SGCD: variants seen among roughly 807,000 people sequenced by gnomAD.
The protein encoded by SGCD is delta-sarcoglycan.
In SGCD, 18 loss-of-function variants were observed where a neutral mutation model predicts 36.6. The ratio of observed to expected loss-of-function variants is 0.49; its 90% CI spans 0.34 to 0.73. SGCD has a LOEUF of 0.73. SGCD is among the 30% of genes least tolerant of loss of function. The pLI, the probability that SGCD is intolerant of heterozygous loss-of-function variation, is 0.01. For synonymous variants in SGCD, 133 were observed against 130.6 expected (o/e 1.02, Z -0.12); for missense variants, 387 against 346.7 (o/e 1.12, Z -0.92).
chr5:156,677,770 A>G (rs1032930420), intron 7 of SGCD, among the ~76,000 whole-genome samples: 2 of 152,154 alleles, frequency 1.3e-5, no homozygotes, highest in African/African-American at 4.8e-5. Context: ...CCCTACCACT[A>G]TGCAAAAGGA....
chr5:155,751,957 T>A, the SGCD span, among the ~76,000 whole-genome samples: 1 of 152,198 alleles, frequency 6.6e-6, no homozygotes, highest in Non-Finnish European at 1.5e-5. Flanking sequence ...TCTCTGAGAC[T>A]GTTTGTGTAT....
At chr5:156,217,201 T>C (rs1764599228) in intron 3 of SGCD, among the ~76,000 whole-genome samples, 1 of 152,252 alleles carries the variant, frequency 6.6e-6, no homozygotes, top group East Asian at 1.9e-4. Context: ...TCTTTAAACA[T>C]TGACCTCACT....
chr5:156,626,339 G>A (rs1046329132), intron 6 of SGCD, among the ~76,000 whole-genome samples: 17 of 152,216 alleles, frequency 1.1e-4, no homozygotes, highest in African/African-American at 3.6e-4. Flanking sequence ...AGTGCCCGGT[G>A]TCAGGCCATG....
At chr5:156,304,783 A>G (rs190206212) in intron 3 of SGCD, among the ~76,000 whole-genome samples, 3 of 152,204 alleles carry the variant, frequency 2.0e-5, no homozygotes, top group Non-Finnish European at 4.4e-5. Flanking sequence ...TGACAGTGAT[A>G]TGAACAATAA....
At chr5:156,257,127 G>T (rs1765734073) in intron 3 of SGCD, among the ~76,000 whole-genome samples, 1 of 151,696 alleles carries the variant, frequency 6.6e-6, no homozygotes, top group Non-Finnish European at 1.5e-5. Flanking sequence ...CTTGCAGTGA[G>T]CCCATACCAC....
chr5:156,424,170 C>A (rs979106237), intron 3 of SGCD, among the ~76,000 whole-genome samples: 2 of 151,858 alleles, frequency 1.3e-5, no homozygotes, highest in African/African-American at 4.8e-5. Flanking sequence ...CCATTGAGTA[C>A]CTTTTGTTTT....
At position 156,766,026 on chromosome 5, in the gene SGCD, G is replaced by T; in HGVS notation, c.*6636G>T. 6.9e-6 allele frequency: 1 copy of T among 144,736 alleles called. No homozygotes were observed. Among genetic ancestry groups the T allele is most frequent in the Non-Finnish European group, 1.5e-5 (1 of 66,980 alleles). 9.0% of individuals were successfully genotyped at this position (144,736 alleles called of 1,614,324 possible). A position where few individuals can be genotyped will look rare whatever the true frequency, so the allele number is the denominator to read the frequency against. On this transcript the variant is annotated 3_prime_UTR_variant, in exon 9 of 9. Coordinates refer to ENST00000337851, the MANE Select transcript of SGCD (RefSeq NM_000337.6). Reference sequence around the variant, plus strand: ...ATTAATTTTTTCTGTGTATGCTTAGGTCAAGCTTAAAAAAAAAAAAAAAAG... The same window carrying T: ...ATTAATTTTTTCTGTGTATGCTTAGTTCAAGCTTAAAAAAAAAAAAAAAAG...
intron 1 of SGCD, among the ~76,000 whole-genome samples, chr5:155,947,296 TGTGTGTGTG>T (rs1757457543): frequency 2.6e-3 from 1 of 384 alleles, no homozygotes; most frequent in Non-Finnish European, 6.0e-3. Flanking sequence ...AATACTCTTG[TGTGTGTGTG>T]TGTGTGTGTG....
At chr5:156,209,380 T>G (rs1246652478) in intron 3 of SGCD, among the ~76,000 whole-genome samples, 2 of 152,060 alleles carry the variant, frequency 1.3e-5, no homozygotes, top group Admixed American at 1.3e-4. Context: ...TGATGCCAAC[T>G]CAGTGCCAAG....
chr5:155,890,759 A>G (rs988832682), intron 1 of SGCD, among the ~76,000 whole-genome samples: 5 of 152,126 alleles, frequency 3.3e-5, no homozygotes, highest in Non-Finnish European at 7.4e-5. Context: ...AACAAGAACT[A>G]TGGTCGTACC....
At chr5:156,619,130 A>T (rs1466419959) in intron 6 of SGCD, among the ~76,000 whole-genome samples, 1 of 150,722 alleles carries the variant, frequency 6.6e-6, no homozygotes, top group Non-Finnish European at 1.5e-5. Context: ...GCTTCACGCC[A>T]TTCGCCTGCC....
chr5:156,069,748 AC>A (rs1401327202), intron 1 of SGCD, among the ~76,000 whole-genome samples: 3 of 143,116 alleles, frequency 2.1e-5, no homozygotes, highest in African/African-American at 8.5e-5. Context: ...GATTCTTCCT[AC>A]CCATAAGCAT....
At chr5:155,756,780 G>T in the SGCD span, among the ~76,000 whole-genome samples, 1 of 152,168 alleles carries the variant, frequency 6.6e-6, no homozygotes, top group Non-Finnish European at 1.5e-5. Context: ...AGCTGTCCAA[G>T]GAATGACAAT....
intron 3 of SGCD, among the ~76,000 whole-genome samples, chr5:156,359,837 T>C (rs1013703273): frequency 1.3e-5 from 2 of 152,220 alleles, no homozygotes; most frequent in Non-Finnish European, 2.9e-5. Flanking sequence ...TCTCTTTGTG[T>C]TTTCTAATGG....
chr5:156,405,183 A>G (rs1334778821), intron 3 of SGCD, among the ~76,000 whole-genome samples: 1 of 152,156 alleles, frequency 6.6e-6, no homozygotes, highest in Admixed American at 6.5e-5. Context: ...AACAAGAGAG[A>G]AAGAGCCTCC....
At chr5:156,641,164 C>G (rs1043898089) in intron 6 of SGCD, among the ~76,000 whole-genome samples, 18 of 152,212 alleles carry the variant, frequency 1.2e-4, no homozygotes, top group South Asian at 2.1e-4. Context: ...ATACAAAAAT[C>G]TCTGTTTCTA....
the SGCD span, among the ~76,000 whole-genome samples, chr5:155,798,947 T>C: frequency 0.017 from 2,583 of 152,270 alleles, 83 homozygotes; most frequent in African/African-American, 0.058. Context: ...TGTTTAAATA[T>C]TAGTTTGTCT....
At chr5:156,033,441 C>T (rs1328007142) in intron 1 of SGCD, among the ~76,000 whole-genome samples, 9 of 152,068 alleles carry the variant, frequency 5.9e-5, no homozygotes, top group Non-Finnish European at 1.2e-4. Flanking sequence ...TCTATATGTC[C>T]GTGTGTACCC....
chr5:156,269,193 C>T (rs544650236), intron 3 of SGCD, among the ~76,000 whole-genome samples: 41 of 151,822 alleles, frequency 2.7e-4, no homozygotes, highest in African/African-American at 6.5e-4. Context: ...CTCTACTGGG[C>T]GCACGGTGGC....
Sources: allele counts gnomAD v4.1 joint callset (sites outside exome capture counted in the v4.1 genomes callset), GRCh38; gene constraint gnomAD v4.1.1; transcripts MANE v1.5; gene names NCBI Gene and HGNC (gene_info 2026-07-23, HGNC 2026-07-21).